The following DSCAML1 variants were observed in gnomAD, a reference collection of about 807,000 sequenced individuals.
DSCAML1 encodes the protein cell adhesion molecule DSCAML1.
A neutral mutation model predicts 200.5 loss-of-function variants in DSCAML1; 38 were observed. That is an observed-to-expected ratio of 0.19 (90% CI 0.15 to 0.25). The LOEUF is 0.25. Ranked by LOEUF, DSCAML1 falls within the 10% of genes least tolerant of loss-of-function variation. DSCAML1 has a pLI of 1.00. For synonymous variants in DSCAML1, 1,215 were observed against 1,165.0 expected (o/e 1.04, Z -0.87); for missense variants, 2,223 against 2,858.8 (o/e 0.78, Z 5.07).
chr11:117,631,220 T>TG (rs2052166253), intron 3 of DSCAML1, among the ~76,000 whole-genome samples: 1 of 152,200 alleles, frequency 6.6e-6, no homozygotes, highest in Non-Finnish European at 1.5e-5. Flanking sequence ...CTGAGCTACC[T>TG]GGGGGCCTCC....
intron 14 of DSCAML1, among the ~76,000 whole-genome samples, chr11:117,477,638 A>G (rs2137200793): frequency 6.6e-6 from 1 of 152,266 alleles, no homozygotes; most frequent in South Asian, 2.1e-4. Flanking sequence ...TATATTTATT[A>G]AAAGTTTGCT....
At chr11:117,542,374 G>A (rs1353476519) in intron 3 of DSCAML1, among the ~76,000 whole-genome samples, 3 of 151,514 alleles carry the variant, frequency 2.0e-5, no homozygotes, top group South Asian at 2.1e-4. Context: ...CAGTGCAGGC[G>A]ATGTAGTGCT....
chr11:117,542,328 AC>A (rs1200356776), intron 3 of DSCAML1, among the ~76,000 whole-genome samples: 5 of 59,528 alleles, frequency 8.4e-5, no homozygotes, highest in African/African-American at 2.7e-4. Context: ...AAAACAAAAC[AC>A]AAAAACAACA....
At chr11:117,501,036 C>T (rs867973557) in intron 11 of DSCAML1, among the ~76,000 whole-genome samples, 3 of 152,026 alleles carry the variant, frequency 2.0e-5, no homozygotes, top group Admixed American at 6.6e-5. Flanking sequence ...ATGATGTGGG[C>T]GTTTGAGATG....
At chr11:117,428,885 C>T (rs1439020175) in intron 32 of DSCAML1, 82 bp from the exon 33 acceptor site, 22 of 1,334,044 alleles carry the variant, frequency 1.6e-5, no homozygotes, top group African/African-American at 2.9e-5. Flanking sequence ...CCATCCCCTG[C>T]CCCCAGTCTT....
At chr11:117,502,039 C>G (rs980393695) in intron 11 of DSCAML1, among the ~76,000 whole-genome samples, 2 of 152,188 alleles carry the variant, frequency 1.3e-5, no homozygotes, top group Non-Finnish European at 2.9e-5. Context: ...CAGGAGGTGG[C>G]CCTGGATTTA....
At chr11:117,577,441 C>A (rs111840761) in intron 3 of DSCAML1, among the ~76,000 whole-genome samples, 11 of 95,112 alleles carry the variant, frequency 1.2e-4, no homozygotes, top group Non-Finnish European at 2.0e-4. Flanking sequence ...TCCTTCTTTC[C>A]TTCCTTCCTT....
At chr11:117,538,598 C>T (rs769529101) in intron 3 of DSCAML1, among the ~76,000 whole-genome samples, 2 of 152,186 alleles carry the variant, frequency 1.3e-5, no homozygotes, top group African/African-American at 2.4e-5. Context: ...AGCATCTTTT[C>T]TGTCTTTTTC....
At chr11:117,453,219 G>A (rs2048313236) in intron 19 of DSCAML1, among the ~76,000 whole-genome samples, 2 of 152,230 alleles carry the variant, frequency 1.3e-5, no homozygotes. Flanking sequence ...ACAGGCTTGA[G>A]CCACCATGTC....
intron 15 of DSCAML1, among the ~76,000 whole-genome samples, chr11:117,470,500 A>G (rs1347827439): frequency 2.0e-5 from 3 of 152,194 alleles, no homozygotes; most frequent in African/African-American, 2.4e-5. Flanking sequence ...GCATGAACCC[A>G]GGGGGTGGAG....
intron 14 of DSCAML1, among the ~76,000 whole-genome samples, chr11:117,477,938 C>T (rs1722195550): frequency 6.6e-6 from 1 of 152,206 alleles, no homozygotes; most frequent in South Asian, 2.1e-4. Flanking sequence ...TTTAAGAGTG[C>T]AAAGCCCTTG....
intron 1 of DSCAML1, among the ~76,000 whole-genome samples, chr11:117,809,762 A>G (rs916817754): frequency 2.0e-5 from 3 of 152,062 alleles, no homozygotes; most frequent in African/African-American, 7.3e-5. Context: ...AGGTCCACCC[A>G]CGCAACCCTC....
At chr11:117,654,408 C>T (rs934576425) in intron 3 of DSCAML1, among the ~76,000 whole-genome samples, 1 of 152,170 alleles carries the variant, frequency 6.6e-6, no homozygotes, top group Non-Finnish European at 1.5e-5. Context: ...TCTGACTATT[C>T]CTGGAATTGG....
chr11:117,651,369 C>T (rs2052628479), intron 3 of DSCAML1, among the ~76,000 whole-genome samples: 1 of 152,238 alleles, frequency 6.6e-6, no homozygotes. Context: ...GGGCTCTGCT[C>T]AGCTCCTGAG....
intron 11 of DSCAML1, among the ~76,000 whole-genome samples, chr11:117,491,304 T>C (rs2049177479): frequency 6.6e-6 from 1 of 152,262 alleles, no homozygotes; most frequent in Non-Finnish European, 1.5e-5. Context: ...TTCTGAGTTC[T>C]GTTACCTGCA....
chr11:117,745,292 ATGTG>A (rs2054500140), intron 3 of DSCAML1, among the ~76,000 whole-genome samples: 1 of 152,174 alleles, frequency 6.6e-6, no homozygotes, highest in African/African-American at 2.4e-5. Flanking sequence ...ACTTTCCTGT[ATGTG>A]TGTTAAACTT....
chr11:117,433,091 G>A (rs1315013226), intron 29 of DSCAML1, 47 bp downstream of exon 29: 3 of 1,547,050 alleles, frequency 1.9e-6, no homozygotes, highest in Non-Finnish European at 2.7e-6. Flanking sequence ...TGTAGCCTGG[G>A]GAAGCACACC....
chr11:117,642,412 GGTCACAGTCTGGA>G lies in DSCAML1; in HGVS notation c.512-109903_512-109891del, dbSNP rs2052429913. On this transcript the variant is annotated intron_variant, in intron 3 of 32. Coordinates refer to ENST00000651296, the MANE Select transcript of DSCAML1 (RefSeq NM_020693.4). The surrounding 1 kb of genome is among the most constrained non-coding windows in gnomAD (Gnocchi z 4.1). Reference sequence around the variant, plus strand: ...TCTGTGTATAAGTCTGACACCCACAGGTCACAGTCTGGAGGCACAGTCTGGAAGACAAATAAGG... The same window carrying G: ...TCTGTGTATAAGTCTGACACCCACAGGGCACAGTCTGGAAGACAAATAAGG... 1.3e-5 allele frequency among the ~76,000 whole-genome samples: 2 copies of G among 152,122 alleles called. No homozygotes were observed. Among genetic ancestry groups the G allele is most frequent in the Non-Finnish European group, 2.9e-5 (2 of 68,016 alleles).
At chr11:117,643,881 A>G (rs911901937) in intron 3 of DSCAML1, among the ~76,000 whole-genome samples, 1 of 152,164 alleles carries the variant, frequency 6.6e-6, no homozygotes, top group African/African-American at 2.4e-5. Context: ...GGGAAGAAGG[A>G]GAGTTGAAAA....
Sources: gnomAD v4.1 joint callset for allele counts (sites outside exome capture counted in the v4.1 genomes callset) on GRCh38, gnomAD v4.1.1 for gene constraint, Gnocchi (gnomAD v3.1) non-coding constraint, MANE v1.5 for transcripts, NCBI Gene and HGNC (gene_info 2026-07-23, HGNC 2026-07-21) for gene names.